The following BRF1 variants were observed in gnomAD, a reference collection of about 807,000 sequenced individuals.
BRF1 encodes BRF1 general transcription factor IIIB subunit, also known as transcription factor IIIB 90 kDa subunit.
Under a neutral mutation model 81.7 loss-of-function variants are expected in BRF1, and 59 were observed. The observed-to-expected ratio is 0.72, with a 90% CI of 0.59 to 0.90. BRF1 has a LOEUF of 0.90. Ranked by LOEUF, BRF1 falls within the 40% of genes least tolerant of loss-of-function variation. BRF1 has a pLI of 0.00. For synonymous variants in BRF1, 491 were observed against 395.6 expected (o/e 1.24, Z -2.86); for missense variants, 1,050 against 936.3 (o/e 1.12, Z -1.58).
At position 105,306,948 on chromosome 14, in the gene BRF1, C is replaced by T. The variant is rs139551764; in HGVS notation, c.-162+8374G>A. ...GTGGTGCTTTGACATCTTGGGGTCT[C>T]GTGGACCTAGAGAGGGACTCCCCTC... On this transcript the variant is annotated intron_variant, in intron 1 of 17. Coordinates refer to the BRF1 transcript ENST00000327359. Among the ~76,000 whole-genome samples the T allele has an allele frequency of 1.6e-4, 24 of 152,014 alleles. 1 individual carries two copies. Among genetic ancestry groups the T allele is most frequent in the African/African-American group, 5.6e-4 (23 of 41,434 alleles).
At chr14:105,311,804 A>G (rs1331742875) in intron 1 of BRF1, among the ~76,000 whole-genome samples, 1 of 152,166 alleles carries the variant, frequency 6.6e-6, no homozygotes, top group African/African-American at 2.4e-5. Flanking sequence ...TGCCTCCAGG[A>G]GGAGGGCCCT....
intron 1 of BRF1, among the ~76,000 whole-genome samples, chr14:105,300,194 C>T (rs1171242328): frequency 6.6e-6 from 1 of 152,278 alleles, no homozygotes; most frequent in Non-Finnish European, 1.5e-5. Flanking sequence ...CTCTCTTCAA[C>T]CCTCCCTGTG....
At chr14:105,229,304 A>G (rs1353460790) in intron 6 of BRF1, among the ~76,000 whole-genome samples, 3 of 152,208 alleles carry the variant, frequency 2.0e-5, no homozygotes, top group Non-Finnish European at 4.4e-5. Context: ...CTGGCAGCTG[A>G]CACAGGTTCA....
At chr14:105,277,585 C>T (rs1046439428) in intron 2 of BRF1, among the ~76,000 whole-genome samples, 16 of 151,988 alleles carry the variant, frequency 1.1e-4, no homozygotes, top group Non-Finnish European at 2.2e-4. Context: ...CACTAGAGAG[C>T]TGGGGAGGAG....
Position 105,209,843 on chromosome 14 carries a change from C to G in BRF1, c.*708G>C, listed in dbSNP as rs587756860. On this transcript the variant is annotated 3_prime_UTR_variant, in exon 18 of 18. Coordinates refer to ENST00000547530, the MANE Select transcript of BRF1 (RefSeq NM_001519.4). ...CCGGCAGCCGCAGGGCTCCTGGGCC[C>G]ACAACTCAAGTGGCCCTGGAGCAGG... The G allele has an allele frequency of 3.4e-3, 1,665 of 495,790 alleles. 5 individuals are homozygous for G. Among genetic ancestry groups the G allele is most frequent in the Non-Finnish European group, 4.8e-3 (1,350 of 282,940 alleles). 30.7% of individuals were successfully genotyped at this position (495,790 alleles called of 1,614,324 possible). A position where few individuals can be genotyped will look rare whatever the true frequency, so the allele number is the denominator to read the frequency against.
chr14:105,298,774 G>C (rs1032039247), intron 1 of BRF1, among the ~76,000 whole-genome samples: 3 of 151,936 alleles, frequency 2.0e-5, no homozygotes, highest in African/African-American at 7.3e-5. Context: ...AGAATCACTT[G>C]AACCTGGGAG....
At chr14:105,308,395 T>C (rs587770799) in intron 1 of BRF1, among the ~76,000 whole-genome samples, 5 of 152,008 alleles carry the variant, frequency 3.3e-5, no homozygotes, top group East Asian at 1.9e-4. Flanking sequence ...AGAGGGAGGA[T>C]TGCCTGAGCC....
chr14:105,253,858 G>A (rs2055738059), intron 4 of BRF1, among the ~76,000 whole-genome samples: 2 of 152,228 alleles, frequency 1.3e-5, no homozygotes, highest in Non-Finnish European at 2.9e-5. Context: ...GATCCCTGGG[G>A]TCTGCTCACC....
In BRF1 at chr14:105,312,256, TG is replaced by T. The variant is rs139980578; in HGVS notation, c.-162+3065del. On this transcript the variant is annotated intron_variant, in intron 1 of 17. Transcript: ENST00000327359. ...GCCTCGGCCCATCCTGTCCCATGAC[TG>T]GGGGTTGGGGCTTCGTCTTTTTAAT... Among the ~76,000 whole-genome samples, 501 of 152,340 alleles carry T rather than the reference TG, an allele frequency of 3.3e-3. 3 individuals carry two copies. Among genetic ancestry groups the T allele is most frequent in the African/African-American group, 0.012 (480 of 41,572 alleles).
In BRF1 at chr14:105,223,257, T is replaced by C. The variant is rs146590539; in HGVS notation, c.1049-1343A>G. ...ACCCAGCAATTTCACTCCTCAGCAA[T>C]TGACCCAAAAGGAAATCAACGTCCA... On this transcript the variant is annotated intron_variant, in intron 10 of 17. Coordinates refer to ENST00000547530, the MANE Select transcript of BRF1 (RefSeq NM_001519.4). Among the ~76,000 whole-genome samples the C allele has an allele frequency of 5.5e-3, 834 of 152,280 alleles. 5 individuals carry two copies. The highest frequency in any genetic ancestry group is 0.019 in the African/African-American group (787 of 41,548).
At chr14:105,263,233 T>TAAAAAA (rs2056240005) in intron 3 of BRF1, among the ~76,000 whole-genome samples, 2 of 56,714 alleles carry the variant, frequency 3.5e-5, no homozygotes, top group African/African-American at 1.6e-4. Flanking sequence ...TAAGACTCCA[T>TAAAAAA]CAAAAAAAAA....
intron 1 of BRF1, chr14:105,314,492 G>C (rs1420043945): frequency 1.4e-5 from 2 of 148,058 alleles, no homozygotes; most frequent in Non-Finnish European, 3.0e-5. Context: ...CGGGGTCTGT[G>C]CGCAGGCGCG....
At position 105,309,123 on chromosome 14, in the gene BRF1, T is replaced by G. The variant is rs1177126153; in HGVS notation, c.-162+6199A>C. Among the ~76,000 whole-genome samples, 1 of 152,242 alleles carries G rather than the reference T, an allele frequency of 6.6e-6. No individual in the cohort carries two copies. Among genetic ancestry groups the G allele is most frequent in the East Asian group, 1.9e-4 (1 of 5,206 alleles). ...TCTGTGAATGTCCTTGGCTGATTTC[T>G]GTATTAGGGCCTGGGTGTTTTCCTT... On this transcript the variant is annotated intron_variant, in intron 1 of 17. Transcript: ENST00000327359. This position sits in a 1 kb window ranked among gnomAD's most constrained non-coding sequence, Gnocchi z 4.0.
chr14:105,248,585 G>GACGGCGCCGCCCGCGGC (rs1267629437), intron 5 of BRF1: 1 of 609,948 alleles, frequency 1.6e-6, no homozygotes, highest in African/African-American at 2.1e-5. Context: ...GGGCGGGCGG[G>GACGGCGCCGCCCGCGGC]CGGGACGGCG....
intron 14 of BRF1, 76 bp from the exon 15 acceptor site, chr14:105,217,876 C>G (rs1891593408): frequency 2.5e-6 from 4 of 1,568,956 alleles, no homozygotes; most frequent in Non-Finnish European, 3.5e-6. Flanking sequence ...CCACGTGAGG[C>G]CAGGAGTGCA....
At chr14:105,313,040 C>A (rs2058389373) in intron 1 of BRF1, among the ~76,000 whole-genome samples, 1 of 152,170 alleles carries the variant, frequency 6.6e-6, no homozygotes, top group South Asian at 2.1e-4. Context: ...CGGTGCCTGG[C>A]ACAGAGGAGG....
chr14:105,221,617 C>T (rs1351336582), intron 11 of BRF1, 31 bp downstream of exon 11: 2 of 1,591,608 alleles, frequency 1.3e-6, no homozygotes, highest in East Asian at 2.2e-5. Context: ...CCGATGACCT[C>T]AGCGTCCCCC....
chr14:105,295,303 CAAAAAAAAAAA>C (rs869251134), intron 1 of BRF1, among the ~76,000 whole-genome samples: 24 of 36,588 alleles, frequency 6.6e-4, no homozygotes, highest in African/African-American at 2.2e-3. Flanking sequence ...CACATCTCTA[CAAAAAAAAAAA>C]AAAAAAAAAA....
At chr14:105,226,946 C>CAA in intron 7 of BRF1, 186 bp from the exon 8 acceptor site, 2 of 683,522 alleles carry the variant, frequency 2.9e-6, no homozygotes, top group East Asian at 3.1e-5. Context: ...CTGTCTCTAC[C>CAA]CAAAAAAAAA....
Sources: gnomAD v4.1 joint callset for allele counts (sites outside exome capture counted in the v4.1 genomes callset) on GRCh38, gnomAD v4.1.1 for gene constraint, Gnocchi (gnomAD v3.1) non-coding constraint, MANE v1.5 for transcripts, NCBI Gene and HGNC (gene_info 2026-07-23, HGNC 2026-07-21) for gene names.